Variants in PLXNA2 observed in about 807,000 individuals in gnomAD.
PLXNA2 encodes the protein plexin A2, also known as plexin-A2.
Under a neutral mutation model 193.5 loss-of-function variants are expected in PLXNA2, and 91 were observed. The ratio of observed to expected loss-of-function variants is 0.47; its 90% confidence interval spans 0.40 to 0.56. The LOEUF is 0.56. Among genes scored for constraint, PLXNA2 ranks in the 20% least tolerant of loss-of-function variants. PLXNA2 has a pLI of 0.00. For missense variants in PLXNA2, 1,995 were observed against 2,503.2 expected, an observed-to-expected ratio of 0.80 and a Z score of 4.33; for synonymous variants, 997 against 1,027.3, an observed-to-expected ratio of 0.97 and a Z score of 0.56.
Position 208,051,378 on chromosome 1 carries a change from A to G in PLXNA2, c.3039T>C (p.Asn1013=). 1 of 1,612,780 alleles carries G rather than the reference A, an allele frequency of 6.2e-7. No individual in the cohort carries two copies. Among genetic ancestry groups the G allele is most frequent in the South Asian group, 1.1e-5 (1 of 90,696 alleles). The change falls in exon 16 of 32, where the codon AAT becomes AAC. Residue 1013 remains asparagine (N), a synonymous_variant. Coordinates refer to ENST00000367033, the MANE Select transcript of PLXNA2 (RefSeq NM_025179.4). ...CAGAAACAGGGACCGGGCCAAGGCCATTGGATGATGGGGGTGAGACACACA... is the reference window on the plus strand; with the variant it reads ...CAGAAACAGGGACCGGGCCAAGGCCGTTGGATGATGGGGGTGAGACACACA... The part of the protein sequence containing the change: ...EIVCVSPPSS[N]GLGPVPVSVS...
Position 208,033,394 on chromosome 1 carries a change from G to A in PLXNA2, c.4980C>T (p.His1660=), listed in dbSNP as rs144221769. ...KVWHLVKNHD[H]GDQKEGDRGS... ...CCCGGTCACCCTCCTTCTGGTCACCGTGGTCATGGTTCTTCACCAGATGCC... is the reference window on the plus strand; with the variant it reads ...CCCGGTCACCCTCCTTCTGGTCACCATGGTCATGGTTCTTCACCAGATGCC... Residue 1660 remains histidine, a synonymous_variant, in exon 28 of 32, where the codon CAC becomes CAT. Coordinates refer to ENST00000367033, the MANE Select transcript of PLXNA2 (RefSeq NM_025179.4). 124 of 1,614,168 alleles carry A rather than the reference G, an allele frequency of 7.7e-5. No individual in the cohort carries two copies. In the African/African-American group the frequency reaches 1.2e-3, roughly 16 times the overall value.
At chr1:208,193,139 G>C (rs1422322779) in intron 3 of PLXNA2, among the ~76,000 whole-genome samples, 1 of 152,174 alleles carries the variant, frequency 6.6e-6, no homozygotes, top group African/African-American at 2.4e-5. Flanking sequence ...GGGTCATAAG[G>C]TTTTGGCTGC....
chr1:208,217,490 G>C lies in PLXNA2; in HGVS notation c.433C>G (p.Leu145Val). ...GVCKLLRLDD[L>V]FILVEPSHKK... is the part of the protein sequence containing the mutation. ...TGGGATGGCTCCACCAGGATGAAGAGGTCATCCAGCCGCAGCAGCTTGCAG... is the reference window on the plus strand; with the variant it reads ...TGGGATGGCTCCACCAGGATGAAGACGTCATCCAGCCGCAGCAGCTTGCAG... Residue 145 changes from leucine (L) to valine (V), a missense_variant, in exon 2 of 32, where the codon CTC (leucine) becomes GTC (valine). Physicochemically the swap from Leu to Val is conservative, Grantham distance 32. Around this residue, in one of 3 missense-constraint regions of PLXNA2, gnomAD observed 702 missense variants for 812.9 expected, o/e 0.86. Transcript: ENST00000367033. The surrounding 1 kb of genome is among the most constrained non-coding windows in gnomAD (Gnocchi z 4.7). The C allele has an allele frequency of 1.2e-6, 2 of 1,614,188 alleles. No individual in the cohort carries two copies. The highest frequency in any genetic ancestry group is 1.3e-5 in the African/African-American group (1 of 75,040).
chr1:208,053,146 G>A (rs1334957214), intron 14 of PLXNA2, among the ~76,000 whole-genome samples: 1 of 152,256 alleles, frequency 6.6e-6, no homozygotes, highest in Non-Finnish European at 1.5e-5. Context: ...AATTGCTTCT[G>A]CCTGGAGGGC....
chr1:208,243,461 G>A (rs1022102089), intron 1 of PLXNA2, among the ~76,000 whole-genome samples, 182 bp downstream of exon 1: 3 of 151,958 alleles, frequency 2.0e-5, no homozygotes, highest in Non-Finnish European at 4.4e-5. Context: ...CGCACGCCGC[G>A]CTCCAGCCCG....
At chr1:208,239,918 G>C (rs60036572) in intron 1 of PLXNA2, among the ~76,000 whole-genome samples, 11,280 of 152,232 alleles carry the variant, frequency 0.074, 627 homozygotes, top group African/African-American at 0.15. Context: ...CAGGACAGTG[G>C]AGACACAGCA....
At chr1:208,199,414 C>A (rs551014517) in intron 3 of PLXNA2, among the ~76,000 whole-genome samples, 1 of 152,124 alleles carries the variant, frequency 6.6e-6, no homozygotes, top group African/African-American at 2.4e-5. Context: ...TTCTTTAGGC[C>A]GGGCGCAGTG....
At chr1:208,218,460 C>A (rs1440311208) in intron 1 of PLXNA2, among the ~76,000 whole-genome samples, 1 of 152,160 alleles carries the variant, frequency 6.6e-6, no homozygotes, top group Non-Finnish European at 1.5e-5. Context: ...GTCAACTGCT[C>A]CCAGAGTCTG....
At chr1:208,074,826 C>G (rs993109014) in intron 12 of PLXNA2, among the ~76,000 whole-genome samples, 5 of 152,158 alleles carry the variant, frequency 3.3e-5, no homozygotes, top group Non-Finnish European at 5.9e-5. Context: ...CAAGAAGGAT[C>G]TTTGTAGTAA....
intron 29 of PLXNA2, chr1:208,030,054 G>T: frequency 1.0e-6 from 1 of 985,384 alleles, no homozygotes; most frequent in Admixed American, 6.1e-5. Flanking sequence ...TCTCAGTAGT[G>T]CCAGGTCTTG....
chr1:208,170,096 C>T (rs1317174122), intron 3 of PLXNA2, among the ~76,000 whole-genome samples: 1 of 152,154 alleles, frequency 6.6e-6, no homozygotes, highest in African/African-American at 2.4e-5. Flanking sequence ...GCTTTGTTTT[C>T]CAAACCTGAT....
At chr1:208,096,166 G>T in intron 7 of PLXNA2, 41 bp from the exon 8 acceptor site, 2 of 1,471,942 alleles carry the variant, frequency 1.4e-6, no homozygotes, top group Non-Finnish European at 1.9e-6. Flanking sequence ...GGGTAACAAC[G>T]TGGGGGACCC....
At chr1:208,202,132 G>A (rs756208017) in intron 3 of PLXNA2, among the ~76,000 whole-genome samples, 10 of 151,708 alleles carry the variant, frequency 6.6e-5, no homozygotes, top group African/African-American at 2.2e-4. Flanking sequence ...GCACAATGCC[G>A]CCATGCCCGG....
intron 3 of PLXNA2, among the ~76,000 whole-genome samples, chr1:208,156,544 C>T (rs1029950238): frequency 6.6e-6 from 1 of 152,122 alleles, no homozygotes; most frequent in African/African-American, 2.4e-5. Flanking sequence ...GGCCACACAG[C>T]CAGCCAGTAG....
intron 3 of PLXNA2, among the ~76,000 whole-genome samples, chr1:208,164,353 A>G (rs1281520791): frequency 2.6e-5 from 4 of 152,140 alleles, no homozygotes; most frequent in Non-Finnish European, 5.9e-5. Flanking sequence ...TACTCCCTGA[A>G]CCCTGTTCAG....
intron 14 of PLXNA2, among the ~76,000 whole-genome samples, 164 bp downstream of exon 14, chr1:208,054,257 C>T (rs1189356599): frequency 6.6e-6 from 1 of 152,188 alleles, no homozygotes; most frequent in Non-Finnish European, 1.5e-5. Context: ...GACAGGCTCT[C>T]AAAACAGCAA....
chr1:208,077,605 A>G (rs1666203046), intron 12 of PLXNA2, among the ~76,000 whole-genome samples: 1 of 152,142 alleles, frequency 6.6e-6, no homozygotes, highest in South Asian at 2.1e-4. Flanking sequence ...AGAATTACAG[A>G]ACAGTGCAAG....
At chr1:208,175,684 A>T (rs528041277) in intron 3 of PLXNA2, among the ~76,000 whole-genome samples, 1 of 152,268 alleles carries the variant, frequency 6.6e-6, no homozygotes, top group African/African-American at 2.4e-5. Context: ...CCACAACAGG[A>T]ATCACTGCTC....
chr1:208,228,425 G>C (rs1334275043), intron 1 of PLXNA2, among the ~76,000 whole-genome samples: 5 of 152,154 alleles, frequency 3.3e-5, no homozygotes, highest in Admixed American at 6.5e-5. Context: ...GTAAGACAGT[G>C]ACATTGTCAC....
Sources: gnomAD v4.1 joint callset for allele counts (sites outside exome capture counted in the v4.1 genomes callset) on GRCh38, gnomAD v4.1.1 for gene constraint, gnomAD v4.1.1 regional missense constraint, Gnocchi (gnomAD v3.1) non-coding constraint, MANE v1.5 for transcripts, NCBI Gene and HGNC (gene_info 2026-07-23, HGNC 2026-07-21) for gene names.